Variants in UST observed in about 807,000 individuals in gnomAD.
The protein encoded by UST is uronyl 2-sulfotransferase.
UST carries 21 observed loss-of-function variants against 45.6 expected under a neutral mutation model. The ratio of observed to expected loss-of-function variants is 0.46; its 90% CI spans 0.33 to 0.66. UST has a LOEUF of 0.66. UST is among the 30% of genes least tolerant of loss of function. The pLI is 0.02. For missense variants in UST, 463 were observed against 512.4 expected, an observed-to-expected ratio of 0.90 and a Z score of 0.93; for synonymous variants, 215 against 200.6, an observed-to-expected ratio of 1.07 and a Z score of -0.61.
rs1365001620 is a variant in UST, at chr6:148,747,349, G to C, written c.-82G>C. 2 of 1,348,448 alleles carry C rather than the reference G, an allele frequency of 1.5e-6. No homozygotes were observed. The highest frequency in any genetic ancestry group is 1.9e-6 in the Non-Finnish European group (2 of 1,045,978). The allele number at this position is 1,348,448 out of a possible 1,614,324, so 83.5% of individuals were successfully genotyped here. A position where few individuals can be genotyped will look rare whatever the true frequency, so the allele number is the denominator to read the frequency against. On this transcript the variant is annotated 5_prime_UTR_variant, in exon 1 of 8. Transcript: ENST00000367463. ...CGCGCGGCCCTCCCCATGTGCAGCC[G>C]GCCAGCCGGGCTCTCCTCCTCGCGG...
At chr6:148,895,007 G>A (rs4897065) in intron 2 of UST, among the ~76,000 whole-genome samples, 34,169 of 151,566 alleles carry the variant, frequency 0.23, 4,115 homozygotes, top group East Asian at 0.38. Flanking sequence ...TAGTAGAGAC[G>A]GGGTTTCACC....
Position 148,842,087 on chromosome 6 carries a change from C to T in UST, c.248-44899C>T, listed in dbSNP as rs1054189726. 3.9e-5 allele frequency among the ~76,000 whole-genome samples: 6 copies of T among 152,172 alleles called. No homozygotes were observed. In the South Asian group the frequency reaches 6.2e-4, roughly 16 times the overall value. On this transcript the variant is annotated intron_variant, in intron 1 of 7. Coordinates refer to ENST00000367463, the MANE Select transcript of UST (RefSeq NM_005715.3). ...TACCAATGCACTTGAGCCTGGGTGA[C>T]AGAGTGAGACTCTGTCCCAAGAACA... is the stretch of plus-strand genomic sequence containing the variant.
chr6:149,012,804 TAAAAA>T (rs763495869), intron 5 of UST, among the ~76,000 whole-genome samples: 4 of 104,156 alleles, frequency 3.8e-5, no homozygotes, highest in African/African-American at 1.2e-4. Context: ...AGTCACTATT[TAAAAA>T]AAAAAAAAAA....
chr6:148,838,693 G>A (rs1403893374), intron 1 of UST, among the ~76,000 whole-genome samples: 7 of 151,982 alleles, frequency 4.6e-5, no homozygotes, highest in Admixed American at 3.3e-4. Context: ...CCAAGAATTC[G>A]AGACCAGCCT....
At position 149,073,911 on chromosome 6, in the gene UST, A is replaced by G. The variant is rs1225358875; in HGVS notation, c.1016A>G (p.Gln339Arg). Residue 339 changes from glutamine (Q) to arginine (R), a missense_variant, in exon 8 of 8, where the codon CAG (glutamine) becomes CGG (arginine). Physicochemically the swap from Gln to Arg is conservative, Grantham distance 43 (BLOSUM62 1). This residue lies in a region of UST where 287 missense variants were observed against 374.2 expected (regional missense o/e 0.77). Transcript: ENST00000367463. ...CCTGAGGCTGTGCAGATCCTCTACC[A>G]GCGGATGAGATACGAGTACGAGTTT... is the stretch of plus-strand genomic sequence containing the variant. ...PSPEAVQILYQRMRYEYEFYH... is the reference protein window; with the variant it reads ...PSPEAVQILYRRMRYEYEFYH... The G allele has an allele frequency of 1.9e-6, 3 of 1,614,066 alleles. No individual in the cohort carries two copies. The highest frequency in any genetic ancestry group is 2.5e-6 in the Non-Finnish European group (3 of 1,180,030).
intron 7 of UST, among the ~76,000 whole-genome samples, chr6:149,036,956 G>T (rs1339002560): frequency 1.3e-5 from 2 of 152,214 alleles, no homozygotes; most frequent in African/African-American, 4.8e-5. Context: ...GTGATCAGAG[G>T]CAGAGCGTAT....
chr6:149,015,771 A>G lies in UST; in HGVS notation c.682-3368A>G, dbSNP rs1196585764. Reference sequence around the variant, plus strand: ...AACAATGCAGGATAATAAATCTTAGACCAAAGATAAATCATGAACACCAGG... The same window carrying G: ...AACAATGCAGGATAATAAATCTTAGGCCAAAGATAAATCATGAACACCAGG... On this transcript the variant is annotated intron_variant, in intron 5 of 7. Coordinates refer to ENST00000367463, the MANE Select transcript of UST (RefSeq NM_005715.3). Among the ~76,000 whole-genome samples, 3 of 152,240 alleles carry G rather than the reference A, an allele frequency of 2.0e-5. No homozygotes were observed. In the East Asian group the frequency reaches 5.8e-4, roughly 29 times the overall value.
chr6:148,765,600 CGAA>C (rs1776306767), intron 1 of UST, among the ~76,000 whole-genome samples: 1 of 151,876 alleles, frequency 6.6e-6, no homozygotes, highest in Admixed American at 6.6e-5. Flanking sequence ...CCTCAGCTTA[CGAA>C]GATGATGGGA....
At chr6:148,848,292 T>C (rs968070641) in intron 1 of UST, among the ~76,000 whole-genome samples, 4 of 152,204 alleles carry the variant, frequency 2.6e-5, no homozygotes, top group Admixed American at 2.6e-4. Flanking sequence ...GTATAGTTAT[T>C]CTACCCATTC....
intron 1 of UST, among the ~76,000 whole-genome samples, chr6:148,846,379 T>C (rs1582848528): frequency 6.6e-6 from 1 of 151,560 alleles, no homozygotes; most frequent in South Asian, 2.1e-4. Flanking sequence ...TTCTCACTCA[T>C]AGGTGGGAAT....
intron 3 of UST, among the ~76,000 whole-genome samples, chr6:148,946,685 G>T (rs182136707): frequency 1.3e-4 from 20 of 149,368 alleles, no homozygotes; most frequent in Admixed American, 1.2e-3. Context: ...GTGGTGGCGG[G>T]TGCCTGTAGT....
At chr6:149,009,977 A>G (rs1775777897) in intron 5 of UST, among the ~76,000 whole-genome samples, 1 of 151,784 alleles carries the variant, frequency 6.6e-6, no homozygotes, top group Non-Finnish European at 1.5e-5. Flanking sequence ...ATTTTTTTAA[A>G]TTTATTTTCT....
chr6:149,070,365 G>C (rs1359748840), intron 7 of UST, among the ~76,000 whole-genome samples: 1 of 152,224 alleles, frequency 6.6e-6, no homozygotes, highest in African/African-American at 2.4e-5. Context: ...AGAGAAGACA[G>C]ATATTATAAA....
intron 7 of UST, among the ~76,000 whole-genome samples, chr6:149,069,373 T>A (rs1475069218): frequency 6.6e-6 from 1 of 152,090 alleles, no homozygotes; most frequent in Non-Finnish European, 1.5e-5. Context: ...TGTATAAGAG[T>A]TCCCTTTTCT....
chr6:148,946,051 C>T (rs1780228625), intron 3 of UST, among the ~76,000 whole-genome samples: 1 of 152,202 alleles, frequency 6.6e-6, no homozygotes, highest in Admixed American at 6.5e-5. Flanking sequence ...TTAAATTTCC[C>T]TCTCCTGTTG....
intron 2 of UST, among the ~76,000 whole-genome samples, chr6:148,919,186 A>G (rs989851106): frequency 1.3e-5 from 2 of 152,124 alleles, no homozygotes; most frequent in African/African-American, 4.8e-5. Flanking sequence ...TACCTCTACC[A>G]TGGGGTGCAC....
intron 7 of UST, among the ~76,000 whole-genome samples, chr6:149,026,303 C>T (rs1230220989): frequency 1.3e-5 from 2 of 152,108 alleles, no homozygotes. Flanking sequence ...GGTGACAGAG[C>T]AAGACCTTGT....
chr6:148,996,706 AAGAT>A (rs1217926575), intron 5 of UST, among the ~76,000 whole-genome samples: 1 of 152,222 alleles, frequency 6.6e-6, no homozygotes, highest in African/African-American at 2.4e-5. Context: ...AACTTGAGGA[AAGAT>A]AGATCTGGGA....
intron 5 of UST, among the ~76,000 whole-genome samples, chr6:149,011,147 A>C (rs952526916): frequency 6.6e-6 from 1 of 152,210 alleles, no homozygotes; most frequent in Non-Finnish European, 1.5e-5. Flanking sequence ...TGTCATTTGC[A>C]ATGACGTGGA....
Sources: gnomAD v4.1 joint callset for allele counts (sites outside exome capture counted in the v4.1 genomes callset) on GRCh38, gnomAD v4.1.1 for gene constraint, gnomAD v4.1.1 regional missense constraint, MANE v1.5 for transcripts, NCBI Gene and HGNC (gene_info 2026-07-23, HGNC 2026-07-21) for gene names.